The following RYR2 variants were observed in gnomAD, a reference collection of about 807,000 sequenced individuals.
The protein encoded by RYR2 is ryanodine receptor 2.
Under a neutral mutation model 601.1 loss-of-function variants are expected in RYR2, and 227 were observed. The ratio of observed to expected loss-of-function variants is 0.38; its 90% CI spans 0.34 to 0.42. The LOEUF is 0.42. Among genes scored for constraint, RYR2 ranks in the 10% least tolerant of loss-of-function variants. The pLI is 1.00. For missense variants in RYR2, 4,646 were observed against 6,156.5 expected (o/e 0.75, Z 8.21); for synonymous variants, 2,223 against 2,175.1 (o/e 1.02, Z -0.61).
intron 1 of RYR2, among the ~76,000 whole-genome samples, chr1:237,054,201 TTTCCTCCC>T (rs760404094): frequency 2.8e-5 from 4 of 143,320 alleles, no homozygotes; most frequent in African/African-American, 1.0e-4. Context: ...TCTTCCCTTC[TTTCCTCCC>T]TTCCTTCCTT....
intron 35 of RYR2, among the ~76,000 whole-genome samples, chr1:237,606,030 C>G (rs1240718329): frequency 2.0e-5 from 3 of 151,314 alleles, no homozygotes; most frequent in Non-Finnish European, 3.0e-5. Context: ...CCCCATCAAG[C>G]TACCAATGAC....
At chr1:237,233,166 G>A (rs1217032151) in intron 1 of RYR2, among the ~76,000 whole-genome samples, 1 of 152,186 alleles carries the variant, frequency 6.6e-6, no homozygotes, top group Non-Finnish European at 1.5e-5. Flanking sequence ...GGGCACCTGT[G>A]TTAAGAGAAA....
rs676100 is a variant in RYR2, at chr1:237,193,935, G to A, written c.49-76562G>A. 1.1e-4 allele frequency among the ~76,000 whole-genome samples: 17 copies of A among 152,182 alleles called. 1 individual carries two copies. The highest frequency in any genetic ancestry group is 6.8e-3 in the Middle Eastern group (2 of 294). On this transcript the variant is annotated intron_variant, in intron 1 of 104. Coordinates refer to ENST00000366574, the MANE Select transcript of RYR2 (RefSeq NM_001035.3). ...GAAGAAAAGATTGCCTTTCTCTTGC[G>A]TCAAACATTCTCATAACTTTTCATT...
At chr1:237,634,164 T>C (rs964046766) in intron 43 of RYR2, among the ~76,000 whole-genome samples, 1 of 152,196 alleles carries the variant, frequency 6.6e-6, no homozygotes, top group Non-Finnish European at 1.5e-5. Flanking sequence ...TGTACTTCCA[T>C]GGTCATTGCA....
chr1:237,462,745 C>T (rs763882809), intron 16 of RYR2, among the ~76,000 whole-genome samples: 1 of 152,100 alleles, frequency 6.6e-6, no homozygotes, highest in Non-Finnish European at 1.5e-5. Flanking sequence ...TGCCATAAAA[C>T]ATTGAGAAAA....
intron 2 of RYR2, among the ~76,000 whole-genome samples, chr1:237,291,825 A>T (rs1692227900): frequency 6.6e-6 from 1 of 152,180 alleles, no homozygotes; most frequent in African/African-American, 2.4e-5. Flanking sequence ...ATTTTGTAAG[A>T]TACTGCAGTG....
At chr1:237,664,609 A>G (rs1330791093) in intron 56 of RYR2, among the ~76,000 whole-genome samples, 1 of 152,206 alleles carries the variant, frequency 6.6e-6, no homozygotes, top group Non-Finnish European at 1.5e-5. Context: ...AACAGTATGG[A>G]GGAAAATGCC....
intron 31 of RYR2, among the ~76,000 whole-genome samples, 166 bp from the exon 32 acceptor site, chr1:237,591,573 C>G (rs1217329673): frequency 6.6e-6 from 1 of 152,080 alleles, no homozygotes; most frequent in African/African-American, 2.4e-5. Flanking sequence ...AGCACTCCAT[C>G]CCCCAAACTG....
chr1:237,594,899 T>TGG (rs1675671451), intron 33 of RYR2, among the ~76,000 whole-genome samples: 390 of 23,436 alleles, frequency 0.017, 12 homozygotes, highest in African/African-American at 0.024. Flanking sequence ...TTTTTTTTTT[T>TGG]TTTTTTTTTT....
At chr1:237,128,468 A>G (rs1287437915) in intron 1 of RYR2, among the ~76,000 whole-genome samples, 1 of 152,222 alleles carries the variant, frequency 6.6e-6, no homozygotes. Context: ...TCCCTCTGCC[A>G]GTGATAGCAA....
At chr1:237,221,078 A>G (rs759614327) in intron 1 of RYR2, among the ~76,000 whole-genome samples, 1 of 152,162 alleles carries the variant, frequency 6.6e-6, no homozygotes, top group Non-Finnish European at 1.5e-5. Context: ...CCTGGGTGAC[A>G]GAGTGAGATT....
intron 35 of RYR2, among the ~76,000 whole-genome samples, chr1:237,607,560 A>C (rs1387818431): frequency 1.3e-5 from 2 of 152,322 alleles, no homozygotes; most frequent in Non-Finnish European, 1.5e-5. Context: ...TGTACCCTAG[A>C]AGTTAAAGTA....
chr1:237,589,693 C>G, intron 29 of RYR2, 100 bp from the exon 30 acceptor site: 1 of 1,085,696 alleles, frequency 9.2e-7, no homozygotes, highest in Non-Finnish European at 1.4e-6. Context: ...AGGGTGACAG[C>G]TCTCACAAAG....
chr1:237,189,687 A>G (rs1679749347), intron 1 of RYR2, among the ~76,000 whole-genome samples: 1 of 152,168 alleles, frequency 6.6e-6, no homozygotes, highest in Non-Finnish European at 1.5e-5. Flanking sequence ...TGGCACCCTG[A>G]TCTTTGTCCA....
chr1:237,807,840 G>T (rs942299395), intron 99 of RYR2, among the ~76,000 whole-genome samples: 7 of 152,142 alleles, frequency 4.6e-5, no homozygotes, highest in Non-Finnish European at 8.8e-5. Flanking sequence ...TTGCAGTCAA[G>T]ACCATAAAGA....
chr1:237,388,848 A>G (rs1702147366), intron 10 of RYR2, among the ~76,000 whole-genome samples: 1 of 152,216 alleles, frequency 6.6e-6, no homozygotes, highest in Non-Finnish European at 1.5e-5. Context: ...GAGAGAAGGT[A>G]CTGTGTGGAT....
At chr1:237,238,024 G>A (rs186196555) in intron 1 of RYR2, among the ~76,000 whole-genome samples, 58 of 113,164 alleles carry the variant, frequency 5.1e-4, no homozygotes, top group Admixed American at 2.8e-3. Context: ...CTGGAGTGGC[G>A]CATCATGGCT....
chr1:237,680,713 A>G, intron 62 of RYR2, 136 bp downstream of exon 62: 1 of 576,436 alleles, frequency 1.7e-6, no homozygotes, highest in Non-Finnish European at 2.9e-6. Flanking sequence ...CATGGAAACA[A>G]ATACTAGACA....
chr1:237,538,394 CAAAAAAAAAAAAAAAAAAAA>C lies in RYR2; in HGVS notation c.2906+7898_2906+7917del, dbSNP rs10551995. Among the ~76,000 whole-genome samples the C allele has an allele frequency of 4.9e-4, 16 of 32,898 alleles. 1 individual carries two copies. The South Asian group carries it at 0.039, about 79-fold the overall frequency. The allele number at this position is 32,898 out of a possible 152,430, so 21.6% of individuals were successfully genotyped here. ...TGGGTGACAGAGCAAGACTCTGTCTCAAAAAAAAAAAAAAAAAAAAAAAAAAAAAAAAAGGGAAGATGGTA... is the reference window on the plus strand; with the variant it reads ...TGGGTGACAGAGCAAGACTCTGTCTCAAAAAAAAAAAAAGGGAAGATGGTA... On this transcript the variant is annotated intron_variant, in intron 25 of 104. Coordinates refer to ENST00000366574, the MANE Select transcript of RYR2 (RefSeq NM_001035.3).
Sources: allele counts gnomAD v4.1 joint callset (sites outside exome capture counted in the v4.1 genomes callset), GRCh38; gene constraint gnomAD v4.1.1; transcripts MANE v1.5; gene names NCBI Gene and HGNC (gene_info 2026-07-23, HGNC 2026-07-21).